The following LAT2 variants were observed in gnomAD, a reference collection of about 807,000 sequenced individuals.
The protein encoded by LAT2 is linker for activation of T cells family member 2.
LAT2 carries 23 observed loss-of-function variants against 43.4 expected under a neutral mutation model. The ratio of observed to expected loss-of-function variants is 0.53; its 90% confidence interval spans 0.38 to 0.75. The LOEUF (loss-of-function observed/expected upper bound fraction) is 0.75, where lower values mean the gene tolerates loss of function less well. Ranked by LOEUF, LAT2 falls within the 30% of genes least tolerant of loss-of-function variation. The probability of loss-of-function intolerance (pLI) is 0.00; values close to 1 mark genes in which losing one functional copy is unlikely to be tolerated. For synonymous variants in LAT2, 128 were observed against 123.2 expected, an observed-to-expected ratio of 1.04 and a Z score of -0.26; for missense variants, 284 against 310.2, an observed-to-expected ratio of 0.92 and a Z score of 0.64.
intron 1 of LAT2, among the ~76,000 whole-genome samples, chr7:74,214,271 T>A (rs868967138): frequency 8.9e-5 from 7 of 79,006 alleles, no homozygotes; most frequent in African/African-American, 1.9e-4. Context: ...TATATGAAAA[T>A]ATATATATAA....
intron 4 of LAT2, among the ~76,000 whole-genome samples, chr7:74,217,079 G>C (rs868914052): frequency 6.6e-6 from 1 of 152,136 alleles, no homozygotes; most frequent in South Asian, 2.1e-4. Flanking sequence ...TTTGGGAGGC[G>C]GGGACGCCTG....
intron 1 of LAT2, among the ~76,000 whole-genome samples, chr7:74,210,670 C>G (rs960390980): frequency 6.6e-6 from 1 of 152,188 alleles, no homozygotes; most frequent in South Asian, 2.1e-4. Flanking sequence ...CAGGACCAGC[C>G]GGGCACGGTG....
At position 74,219,849 on chromosome 7, in the gene LAT2, C is replaced by T. The variant is rs782034210; in HGVS notation, c.178+62C>T. On this transcript the variant is annotated intron_variant, in intron 5 of 13. Coordinates refer to ENST00000460943, the MANE Select transcript of LAT2 (RefSeq NM_032464.3). ...TGGGGGTGTCCCTATCAAGTTATCT[C>T]GGTCCCCATTGACCTGAGACCGTGG... 4.5e-4 allele frequency: 723 copies of T among 1,611,920 alleles called. 1 individual carries two copies. The highest frequency in any genetic ancestry group is 4.2e-4 in the Non-Finnish European group (498 of 1,178,374).
At chr7:74,216,164 G>A in intron 3 of LAT2, 95 bp downstream of exon 3, 1 of 1,036,410 alleles carries the variant, frequency 9.6e-7, no homozygotes, top group East Asian at 2.5e-5. Context: ...GTCAGAAGAG[G>A]TGGTCAGATG....
In LAT2 at chr7:74,224,694, C is replaced by T. The variant is rs778698901; in HGVS notation, c.684C>T (p.Asp228=). 39 of 1,607,994 alleles carry T rather than the reference C, an allele frequency of 2.4e-5. No individual in the cohort carries two copies. Among genetic ancestry groups the T allele is most frequent in the Non-Finnish European group, 3.1e-5 (36 of 1,177,466 alleles). Residue 228 remains aspartate, a synonymous_variant, in exon 13 of 14, where the codon GAC becomes GAT. Transcript: ENST00000460943. ...PGPVGSPDEE[D]GEPDYVNGEV... is the part of the protein sequence containing the mutation. ...CGGTGGGAAGCCCAGACGAGGAGGA[C>T]GGGGAACCGGATTACGTGAATGGGG...
chr7:74,216,095 TG>T, intron 3 of LAT2, 26 bp downstream of exon 3: 1 of 1,584,578 alleles, frequency 6.3e-7, no homozygotes, highest in Non-Finnish European at 8.6e-7. Flanking sequence ...GGGGACGTGA[TG>T]GGGAGAAGGT....
At chr7:74,226,725 A>T (rs1471027508) in intron 13 of LAT2, among the ~76,000 whole-genome samples, 3 of 152,138 alleles carry the variant, frequency 2.0e-5, no homozygotes, top group Non-Finnish European at 4.4e-5. Context: ...TGGCAGAGAG[A>T]AACAAAACAG....
At chr7:74,223,460 G>A (rs1388457171) in intron 10 of LAT2, among the ~76,000 whole-genome samples, 1 of 152,164 alleles carries the variant, frequency 6.6e-6, no homozygotes, top group Non-Finnish European at 1.5e-5. Flanking sequence ...GTGCTCTCCA[G>A]CCTGGGTGAC....
chr7:74,216,163 G>C (rs782033113), intron 3 of LAT2, 94 bp downstream of exon 3: 133 of 1,080,498 alleles, frequency 1.2e-4, no homozygotes, highest in Non-Finnish European at 1.6e-4. Flanking sequence ...GGTCAGAAGA[G>C]GTGGTCAGAT....
Position 74,219,972 on chromosome 7 carries a change from C to T in LAT2, c.191C>T (p.Ala64Val), listed in dbSNP as rs782110633. The T allele has an allele frequency of 9.9e-6, 16 of 1,613,512 alleles. No homozygotes were observed. Among genetic ancestry groups the T allele is most frequent in the Non-Finnish European group, 1.4e-5 (16 of 1,179,982 alleles). ...TTGCCCTTTGTAGTGGTCGGGCAGG[C>T]ATGGCCAGGACCCCTGGCGGACATG... The part of the protein sequence containing the change: ...GSRTYSLVGQ[A>V]WPGPLADMAP... Residue 64 changes from alanine (A) to valine (V), a missense_variant, in exon 6 of 14, where the codon GCA (alanine) becomes GTA (valine). Physicochemically the swap from Ala to Val is moderately conservative, Grantham distance 64 (BLOSUM62 0). Coordinates refer to ENST00000460943, the MANE Select transcript of LAT2 (RefSeq NM_032464.3).
Position 74,220,274 on chromosome 7 carries a change from G to A in LAT2, c.265+20G>A. On this transcript the variant is annotated intron_variant, in intron 7 of 13. Transcript: ENST00000460943. The surrounding 1 kb of genome is among the most constrained non-coding windows in gnomAD (Gnocchi z 4.5). ...TGGAGGGTGAGTGGCACAGGGCAGG[G>A]ACAGGGACAGGCCTAGCCAAGCTGG... is the stretch of plus-strand genomic sequence containing the variant. 6.2e-7 allele frequency: 1 copy of A among 1,608,668 alleles called. No individual in the cohort carries two copies. Among genetic ancestry groups the A allele is most frequent in the Non-Finnish European group, 8.5e-7 (1 of 1,176,626 alleles).
chr7:74,219,878 G>A, intron 5 of LAT2, 82 bp from the exon 6 acceptor site: 1 of 1,612,324 alleles, frequency 6.2e-7, no homozygotes, highest in Non-Finnish European at 8.5e-7. Context: ...ACCGTGGCCA[G>A]GCCTGATGTG....
chr7:74,226,203 T>C (rs1386100398), intron 13 of LAT2: 1 of 151,156 alleles, frequency 6.6e-6, no homozygotes, highest in East Asian at 2.0e-4. Context: ...AGTGGCGCCA[T>C]CTCGGCTCAC....
rs545990992 is a variant in LAT2 at position 74,220,432 on chromosome 7, G to A, written c.266-152G>A. On this transcript the variant is annotated intron_variant, in intron 7 of 13. Transcript: ENST00000460943. This position sits in a 1 kb window ranked among gnomAD's most constrained non-coding sequence, Gnocchi z 4.5. Reference sequence around the variant, plus strand: ...CTGGAATCGGCCTGGCAGGGGGAGGGTGCACACTCGCACATGCCCCACTGA... The same window carrying A: ...CTGGAATCGGCCTGGCAGGGGGAGGATGCACACTCGCACATGCCCCACTGA... 28 of 1,216,484 alleles carry A rather than the reference G, an allele frequency of 2.3e-5. No individual in the cohort carries two copies. In the African/African-American group the frequency reaches 3.9e-4, roughly 17 times the overall value. The allele number at this position is 1,216,484 out of a possible 1,614,324, so 75.4% of individuals were successfully genotyped here.
At chr7:74,224,830 T>G in intron 13 of LAT2, 70 bp downstream of exon 13, 1 of 1,162,466 alleles carries the variant, frequency 8.6e-7, no homozygotes, top group Non-Finnish European at 1.2e-6. Context: ...GGACCCCCAA[T>G]CCAAGGGAAC....
intron 11 of LAT2, 42 bp downstream of exon 11, chr7:74,223,825 C>T (rs782540960): frequency 6.9e-6 from 11 of 1,596,516 alleles, no homozygotes; most frequent in Non-Finnish European, 7.7e-6. Context: ...CTGGGAGCAG[C>T]AGGCCTCCTT....
chr7:74,214,790 T>TAC (rs1305868035), intron 1 of LAT2, 32 bp from the exon 2 acceptor site: 1 of 83,160 alleles, frequency 1.2e-5, no homozygotes, highest in East Asian at 3.0e-4. Flanking sequence ...TATATATATA[T>TAC]ATTTTTTTTT....
chr7:74,224,918 G>A (rs1038788883), intron 13 of LAT2, 158 bp downstream of exon 13: 4 of 561,396 alleles, frequency 7.1e-6, no homozygotes, highest in South Asian at 2.1e-5. Context: ...GCAGCTTGGC[G>A]ACTCTGTTCC....
At position 74,229,252 on chromosome 7, in the gene LAT2, A is replaced by C. The variant is rs1479582610; in HGVS notation, c.*327A>C. On this transcript the variant is annotated 3_prime_UTR_variant, in exon 14 of 14. Transcript: ENST00000460943. Reference sequence around the variant, plus strand: ...TAGGATAAGCTGTCACCCAGTCCCCATAACAAAACCACTGTCCAACACTGG... The same window carrying C: ...TAGGATAAGCTGTCACCCAGTCCCCCTAACAAAACCACTGTCCAACACTGG... 2 of 152,432 alleles carry C rather than the reference A, an allele frequency of 1.3e-5. No individual in the cohort carries two copies. The highest frequency in any genetic ancestry group is 2.9e-5 in the Non-Finnish European group (2 of 68,034). 9.4% of individuals were successfully genotyped at this position (152,432 alleles called of 1,614,324 possible). A position where few individuals can be genotyped will look rare whatever the true frequency, so the allele number is the denominator to read the frequency against.
Sources: allele counts gnomAD v4.1 joint callset (sites outside exome capture counted in the v4.1 genomes callset), GRCh38; gene constraint gnomAD v4.1.1; non-coding constraint Gnocchi (gnomAD v3.1); transcripts MANE v1.5; gene names NCBI Gene and HGNC (gene_info 2026-07-23, HGNC 2026-07-21).